Variants in DSP observed in about 807,000 individuals in gnomAD.
DSP encodes 250/210 kDa paraneoplastic pemphigus antigen.
In DSP, 114 loss-of-function variants were observed where a neutral mutation model predicts 290.6. That is an observed-to-expected ratio of 0.39 (90% CI 0.34 to 0.46). The LOEUF (loss-of-function observed/expected upper bound fraction) is 0.46. Ranked by LOEUF, DSP falls within the 20% of genes least tolerant of loss-of-function variation. DSP has a pLI of 0.99. For missense variants in DSP, 3,230 were observed against 3,495.8 expected, an observed-to-expected ratio of 0.92 and a Z score of 1.92; for synonymous variants, 1,311 against 1,316.4, an observed-to-expected ratio of 1.00 and a Z score of 0.09.
chr6:7,543,450 T>A (rs990958713), intron 1 of DSP, among the ~76,000 whole-genome samples: 21 of 151,678 alleles, frequency 1.4e-4, no homozygotes, highest in Non-Finnish European at 2.9e-4. Flanking sequence ...CTTGGAGTTC[T>A]TTGTTTCCTG....
intron 1 of DSP, among the ~76,000 whole-genome samples, chr6:7,544,464 G>GT (rs1758113410): frequency 6.7e-6 from 1 of 150,340 alleles, no homozygotes. Context: ...CTAAATAAAG[G>GT]TTTTTGTGGT....
intron 14 of DSP, 31 bp downstream of exon 14, chr6:7,571,615 A>C: frequency 6.2e-7 from 1 of 1,613,086 alleles, no homozygotes; most frequent in Non-Finnish European, 8.5e-7. Flanking sequence ...TCTTTGTATC[A>C]ACCATCCATA....
At chr6:7,561,409 C>G (rs773077465) in intron 4 of DSP, among the ~76,000 whole-genome samples, 1 of 152,162 alleles carries the variant, frequency 6.6e-6, no homozygotes, top group Non-Finnish European at 1.5e-5. Flanking sequence ...ATCGCTTGTT[C>G]CCCTGCATGC....
chr6:7,583,662 G>A lies in DSP; in HGVS notation c.6400G>A (p.Val2134Ile). Residue 2134 changes from valine to isoleucine, a missense_variant, in exon 24 of 24, where the codon GTA (valine) becomes ATA (isoleucine). Around this residue, in one of 5 missense-constraint regions of DSP, gnomAD observed 1,714 missense variants for 1,844.5 expected, o/e 0.93. Coordinates refer to ENST00000379802, the MANE Select transcript of DSP (RefSeq NM_004415.4). The surrounding 1 kb of genome is among the most constrained non-coding windows in gnomAD (Gnocchi z 4.0). ...GGAAGCCCAGATTGCTTCAGGGGGTGTAGTAGACCCTGTGAACAGTGTCTT... is the reference window on the plus strand; with the variant it reads ...GGAAGCCCAGATTGCTTCAGGGGGTATAGTAGACCCTGTGAACAGTGTCTT... ...LLEAQIASGG[V>I]VDPVNSVFLP... is the part of the protein sequence containing the mutation. 1 of 1,614,144 alleles carries A rather than the reference G, an allele frequency of 6.2e-7. No homozygotes were observed. The highest frequency in any genetic ancestry group is 1.1e-5 in the South Asian group (1 of 91,080).
chr6:7,576,229 G>T, intron 18 of DSP, 65 bp from the exon 19 acceptor site: 1 of 1,555,596 alleles, frequency 6.4e-7, no homozygotes. Flanking sequence ...ATTTCTGGGT[G>T]ATTCTATGTT....
intron 16 of DSP, among the ~76,000 whole-genome samples, 158 bp from the exon 17 acceptor site, chr6:7,574,499 A>T (rs1203578135): frequency 2.0e-5 from 3 of 152,242 alleles, no homozygotes; most frequent in Non-Finnish European, 4.4e-5. Context: ...TTCAGCGAAT[A>T]CAAAATGTTG....
chr6:7,557,679 C>A (rs1313665869), intron 2 of DSP, among the ~76,000 whole-genome samples: 4 of 151,718 alleles, frequency 2.6e-5, no homozygotes, highest in Non-Finnish European at 5.9e-5. Context: ...GGCTCTGTCT[C>A]AAAAAAATAA....
intron 1 of DSP, among the ~76,000 whole-genome samples, chr6:7,543,098 G>C (rs999038963): frequency 3.3e-5 from 5 of 152,304 alleles, no homozygotes; most frequent in Middle Eastern, 3.4e-3. Flanking sequence ...GCTTTGACCG[G>C]GTCTCGGGAG....
At chr6:7,555,024 T>C (rs1758465657) in intron 1 of DSP, among the ~76,000 whole-genome samples, 1 of 152,186 alleles carries the variant, frequency 6.6e-6, no homozygotes, top group South Asian at 2.1e-4. Context: ...CAGTGAAATC[T>C]TCATGCTCTG....
intron 19 of DSP, 144 bp downstream of exon 19, chr6:7,576,600 G>A (rs1759247984): frequency 2.8e-6 from 3 of 1,069,078 alleles, no homozygotes; most frequent in African/African-American, 3.2e-5. Flanking sequence ...CTTAAAGAAT[G>A]CCCAGAGGAA....
intron 1 of DSP, among the ~76,000 whole-genome samples, chr6:7,546,851 G>T (rs1423825331): frequency 2.0e-5 from 3 of 152,044 alleles, no homozygotes; most frequent in African/African-American, 7.2e-5. Flanking sequence ...CTATTTAATG[G>T]GACAATACAG....
At chr6:7,554,572 A>C (rs1007301838) in intron 1 of DSP, among the ~76,000 whole-genome samples, 13 of 152,262 alleles carry the variant, frequency 8.5e-5, no homozygotes, top group Non-Finnish European at 1.8e-4. Context: ...AATGTATTTA[A>C]ATTTTCCATC....
At chr6:7,563,600 C>G in intron 5 of DSP, 136 bp from the exon 6 acceptor site, 3 of 784,744 alleles carry the variant, frequency 3.8e-6, no homozygotes, top group Non-Finnish European at 6.6e-6. Flanking sequence ...TGAAATATCT[C>G]ATAGAGCTAG....
In DSP at chr6:7,583,827, C is replaced by G. The variant is rs767661570; in HGVS notation, c.6565C>G (p.Arg2189Gly). ...GGTCAGTTACGTGCAGCTGAAGGAA[C>G]GGTGCAGAATCGAACCACATACTGG... Reference protein sequence around the residue: ...KKVSYVQLKERCRIEPHTGLL... With the variant: ...KKVSYVQLKEGCRIEPHTGLL... Residue 2189 changes from arginine to glycine, a missense_variant, in exon 24 of 24, where the codon CGG becomes GGG. Around this residue, in one of 5 missense-constraint regions of DSP, gnomAD observed 1,714 missense variants for 1,844.5 expected, o/e 0.93. Transcript: ENST00000379802. The surrounding 1 kb of genome is among the most constrained non-coding windows in gnomAD (Gnocchi z 4.0). 4 of 1,613,960 alleles carry G rather than the reference C, an allele frequency of 2.5e-6. No individual in the cohort carries two copies. The African/African-American group carries it at 4.0e-5, about 16-fold the overall frequency.
At chr6:7,545,294 T>C (rs1265752791) in intron 1 of DSP, among the ~76,000 whole-genome samples, 4 of 152,206 alleles carry the variant, frequency 2.6e-5, no homozygotes, top group Non-Finnish European at 5.9e-5. Context: ...ACAGGTCAAT[T>C]TGCCTGAATT....
chr6:7,556,498 A>G (rs745355971), intron 2 of DSP, among the ~76,000 whole-genome samples: 4 of 152,132 alleles, frequency 2.6e-5, no homozygotes, highest in South Asian at 2.1e-4. Flanking sequence ...CATCTTTTCT[A>G]TCCCTTTCCT....
rs1029334779 is a variant in DSP, at chr6:7,574,034, A to G, written c.2131-52A>G. On this transcript the variant is annotated intron_variant, in intron 15 of 23. Transcript: ENST00000379802. ...CATATTGTACACCTTAAATATATAC[A>G]GTAATAAAAAGAATCAGCTAAATCA... 17 of 1,588,632 alleles carry G rather than the reference A, an allele frequency of 1.1e-5. No individual in the cohort carries two copies. In the Admixed American group the frequency reaches 2.7e-4, roughly 25 times the overall value.
At position 7,571,857 on chromosome 6, in the gene DSP, T is replaced by C. The variant is rs1407036854; in HGVS notation, c.1919T>C (p.Ile640Thr). 6.2e-7 allele frequency: 1 copy of C among 1,612,998 alleles called. No individual in the cohort carries two copies. The highest frequency in any genetic ancestry group is 1.7e-5 in the Admixed American group (1 of 60,016). ...CTTTTTACAGTGACCACAACTGAAATCACTCATCATGGAACCTGCCAAGAT... is the reference window on the plus strand; with the variant it reads ...CTTTTTACAGTGACCACAACTGAAACCACTCATCATGGAACCTGCCAAGAT... The part of the protein sequence containing the change: ...PQHQTVTTTE[I>T]THHGTCQDVN... Residue 640 changes from isoleucine to threonine, a missense_variant, in exon 15 of 24, where the codon ATC (isoleucine) becomes ACC (threonine). Transcript: ENST00000379802.
rs1247761716 is a variant in DSP, at chr6:7,582,418, TAGTA to T, written c.5380-219_5380-216del. Among the ~76,000 whole-genome samples, 2 of 151,684 alleles carry T rather than the reference TAGTA, an allele frequency of 1.3e-5. No individual in the cohort carries two copies. The highest frequency in any genetic ancestry group is 2.9e-5 in the Non-Finnish European group (2 of 67,938). On this transcript the variant is annotated intron_variant, in intron 23 of 23. Coordinates refer to ENST00000379802, the MANE Select transcript of DSP (RefSeq NM_004415.4). This position sits in a 1 kb window ranked among gnomAD's most constrained non-coding sequence, Gnocchi z 4.2. Reference sequence around the variant, plus strand: ...TTACAGTTCCTTCTATAGAAAAAAATAGTAAGTATGAAGCCATTTATTGAAGTGG... The same window carrying T: ...TTACAGTTCCTTCTATAGAAAAAAATAGTATGAAGCCATTTATTGAAGTGG...
Sources: allele counts gnomAD v4.1 joint callset (sites outside exome capture counted in the v4.1 genomes callset), GRCh38; gene constraint gnomAD v4.1.1; regional missense constraint gnomAD v4.1.1; non-coding constraint Gnocchi (gnomAD v3.1); transcripts MANE v1.5; gene names NCBI Gene and HGNC (gene_info 2026-07-23, HGNC 2026-07-21).